Variants in CACNA1E observed in about 807,000 individuals in gnomAD.
CACNA1E encodes voltage-dependent R-type calcium channel subunit alpha-1E.
A neutral mutation model predicts 259.2 loss-of-function variants in CACNA1E; 40 were observed. The observed-to-expected ratio is 0.15, with a 90% CI of 0.12 to 0.20. The LOEUF is 0.20. CACNA1E is among the 10% of genes least tolerant of loss of function. The pLI is 1.00. For missense variants in CACNA1E, 1,874 were observed against 3,040.1 expected, an observed-to-expected ratio of 0.62 and a Z score of 9.02; for synonymous variants, 1,104 against 1,138.5, an observed-to-expected ratio of 0.97 and a Z score of 0.61.
intron 6 of CACNA1E, among the ~76,000 whole-genome samples, chr1:181,610,509 C>G (rs909998632): frequency 6.6e-6 from 1 of 152,204 alleles, no homozygotes; most frequent in Admixed American, 6.5e-5. Context: ...GTTGGACATG[C>G]TGAATATTAT....
intron 43 of CACNA1E, among the ~76,000 whole-genome samples, chr1:181,789,383 A>T (rs1188161185): frequency 1.3e-5 from 2 of 152,348 alleles, no homozygotes; most frequent in Non-Finnish European, 2.9e-5. Flanking sequence ...CTAAAAAAAC[A>T]TTCCTATGGA....
intron 1 of CACNA1E, among the ~76,000 whole-genome samples, chr1:181,402,862 T>A (rs190449715): frequency 9.2e-5 from 14 of 152,264 alleles, no homozygotes; most frequent in Admixed American, 7.8e-4. Context: ...AGACATTAGG[T>A]AAGGAATCAG....
intron 34 of CACNA1E, among the ~76,000 whole-genome samples, chr1:181,765,792 C>G (rs1658969343): frequency 6.6e-6 from 1 of 152,206 alleles, no homozygotes; most frequent in South Asian, 2.1e-4. Context: ...CAAATCCAAA[C>G]TGTCCTATGT....
At chr1:181,627,621 G>A (rs141733315) in intron 6 of CACNA1E, among the ~76,000 whole-genome samples, 5 of 152,274 alleles carry the variant, frequency 3.3e-5, no homozygotes, top group Admixed American at 6.5e-5. Flanking sequence ...GGGTCAGAGG[G>A]AATTCACTGG....
chr1:181,533,896 G>A (rs753789396), intron 3 of CACNA1E, among the ~76,000 whole-genome samples: 10 of 151,714 alleles, frequency 6.6e-5, no homozygotes, highest in East Asian at 1.9e-4. Flanking sequence ...GTTTTTATTC[G>A]TTGATGTTAT....
intron 2 of CACNA1E, among the ~76,000 whole-genome samples, chr1:181,446,326 C>T (rs972151744): frequency 6.6e-6 from 1 of 152,204 alleles, no homozygotes; most frequent in African/African-American, 2.4e-5. Context: ...TGCCAAAGGT[C>T]CCAGGCTTGC....
intron 2 of CACNA1E, among the ~76,000 whole-genome samples, chr1:181,471,913 C>T (rs1160786974): frequency 6.6e-6 from 1 of 152,068 alleles, no homozygotes. Context: ...AAAGTAATCC[C>T]TTTTCTGATA....
intron 2 of CACNA1E, among the ~76,000 whole-genome samples, chr1:181,449,676 C>T (rs575156005): frequency 7.2e-5 from 11 of 152,178 alleles, no homozygotes; most frequent in Non-Finnish European, 1.3e-4. Flanking sequence ...GAGCAGACAT[C>T]TGGGGCTTCT....
chr1:181,516,738 T>C (rs1288698531), intron 3 of CACNA1E, among the ~76,000 whole-genome samples: 4 of 152,194 alleles, frequency 2.6e-5, no homozygotes, highest in Non-Finnish European at 5.9e-5. Context: ...TTGTTTTCCA[T>C]TGTATGTTAA....
At chr1:181,454,509 A>G (rs993774841) in intron 2 of CACNA1E, among the ~76,000 whole-genome samples, 2 of 152,198 alleles carry the variant, frequency 1.3e-5, no homozygotes, top group Admixed American at 6.5e-5. Context: ...TTGACTCCCA[A>G]TATAATGCTC....
At chr1:181,610,368 A>T (rs1477046554) in intron 6 of CACNA1E, among the ~76,000 whole-genome samples, 1 of 152,218 alleles carries the variant, frequency 6.6e-6, no homozygotes, top group Non-Finnish European at 1.5e-5. Context: ...TAATTGGATG[A>T]TCTACAGAAC....
At chr1:181,321,274 T>G (rs1288236381) in intron 1 of CACNA1E, among the ~76,000 whole-genome samples, 1 of 152,174 alleles carries the variant, frequency 6.6e-6, no homozygotes, top group African/African-American at 2.4e-5. Context: ...AACCAAACTT[T>G]GTGTGTCTTC....
At chr1:181,708,561 C>T (rs955956509) in intron 7 of CACNA1E, among the ~76,000 whole-genome samples, 3 of 152,154 alleles carry the variant, frequency 2.0e-5, no homozygotes, top group African/African-American at 4.8e-5. Flanking sequence ...ATTAAACCTC[C>T]CTGGATTCCC....
intron 7 of CACNA1E, among the ~76,000 whole-genome samples, chr1:181,693,925 C>T (rs557282759): frequency 1.8e-4 from 28 of 152,216 alleles, no homozygotes; most frequent in South Asian, 4.1e-4. Flanking sequence ...ATTGTTTTAC[C>T]AGTCAATTCT....
At position 181,428,263 on chromosome 1, in the gene CACNA1E, G is replaced by A. The variant is rs117905560; in HGVS notation, c.434+14683G>A. On this transcript the variant is annotated intron_variant, in intron 2 of 11. Transcript: ENST00000524607. ...CTCTCTGGCCCCACTGGAGAGGCCC[G>A]ATGAATTAATAATATGCCAGCAGGA... 6.1e-3 allele frequency among the ~76,000 whole-genome samples: 934 copies of A among 152,276 alleles called. 66 individuals are homozygous for A. In the East Asian group the frequency reaches 0.15, roughly 24 times the overall value.
chr1:181,792,895 G>A (rs1351355233), intron 44 of CACNA1E, among the ~76,000 whole-genome samples: 1 of 152,210 alleles, frequency 6.6e-6, no homozygotes. Context: ...TGATAACACT[G>A]TAGGCTGGCA....
intron 2 of CACNA1E, among the ~76,000 whole-genome samples, chr1:181,472,450 A>ACTAT (rs1662570015): frequency 1.3e-5 from 2 of 152,246 alleles, no homozygotes; most frequent in African/African-American, 2.4e-5. Flanking sequence ...TAACCATCTT[A>ACTAT]CTATCTATAT....
chr1:181,531,578 G>A (rs1412473054), intron 3 of CACNA1E, among the ~76,000 whole-genome samples: 1 of 152,208 alleles, frequency 6.6e-6, no homozygotes, highest in East Asian at 1.9e-4. Context: ...CGGGAGGTAT[G>A]GAAATCATGA....
intron 3 of CACNA1E, among the ~76,000 whole-genome samples, chr1:181,539,272 A>AG (rs1242691762): frequency 6.6e-6 from 1 of 152,166 alleles, no homozygotes; most frequent in Non-Finnish European, 1.5e-5. Context: ...CTTCTCACCA[A>AG]GGGCTTGAAG....
Sources: allele counts gnomAD v4.1 joint callset (sites outside exome capture counted in the v4.1 genomes callset), GRCh38; gene constraint gnomAD v4.1.1; transcripts MANE v1.5; gene names NCBI Gene and HGNC (gene_info 2026-07-23, HGNC 2026-07-21).